The following PARD3 variants were observed in gnomAD, a reference collection of about 807,000 sequenced individuals.
PARD3 encodes partitioning defective 3 homolog.
PARD3 carries 75 observed loss-of-function variants against 155.4 expected under a neutral mutation model. The observed-to-expected ratio is 0.48, with a 90% CI of 0.40 to 0.58. The LOEUF (loss-of-function observed/expected upper bound fraction) is 0.58. Among genes scored for constraint, PARD3 ranks in the 20% least tolerant of loss-of-function variants. The probability of loss-of-function intolerance (pLI) is 0.00; values close to 1 mark genes in which losing one functional copy is unlikely to be tolerated. For synonymous variants in PARD3, 576 were observed against 610.5 expected (o/e 0.94, Z 0.83); for missense variants, 1,642 against 1,721.7 (o/e 0.95, Z 0.82).
intron 12 of PARD3, among the ~76,000 whole-genome samples, chr10:34,366,484 G>T (rs1839977527): frequency 6.6e-6 from 1 of 152,084 alleles, no homozygotes; most frequent in African/African-American, 2.4e-5. Context: ...ACCTGGATAT[G>T]ATGGGCAGGG....
intron 15 of PARD3, chr10:34,346,106 G>T (rs2134352598): frequency 9.9e-7 from 1 of 1,005,376 alleles, no homozygotes; most frequent in African/African-American, 1.7e-5. Context: ...ACACAGAACT[G>T]GGAGAGAAGT....
At chr10:34,178,516 T>C (rs1371012020) in intron 22 of PARD3, among the ~76,000 whole-genome samples, 1 of 152,188 alleles carries the variant, frequency 6.6e-6, no homozygotes, top group Non-Finnish European at 1.5e-5. Context: ...CATTGACCTT[T>C]AGCGTAAGAA....
Position 34,474,873 on chromosome 10 carries a change from C to T in PARD3, c.404-4610G>A, listed in dbSNP as rs773057347. On this transcript the variant is annotated intron_variant, in intron 3 of 24. Transcript: ENST00000374788. ...CATATCCTGATTTTAATTCATAGAA[C>T]GATTTCATTTTGGGAAGAGGAAGAA... Among the ~76,000 whole-genome samples the T allele has an allele frequency of 5.3e-5, 8 of 152,118 alleles. No individual in the cohort carries two copies. The East Asian group carries it at 1.4e-3, about 26-fold the overall frequency.
chr10:34,808,905 C>T (rs1843730746), intron 1 of PARD3, among the ~76,000 whole-genome samples: 1 of 152,340 alleles, frequency 6.6e-6, no homozygotes, highest in East Asian at 1.9e-4. Context: ...CTCAGCCAAG[C>T]ATCTCAACTG....
intron 22 of PARD3, among the ~76,000 whole-genome samples, chr10:34,212,679 G>A (rs1164932928): frequency 2.6e-5 from 4 of 151,622 alleles, no homozygotes; most frequent in Non-Finnish European, 5.9e-5. Flanking sequence ...GTTCTGAGGG[G>A]GGCAAAGGCC....
chr10:34,595,395 T>TA (rs911702706), intron 2 of PARD3, among the ~76,000 whole-genome samples: 6 of 152,158 alleles, frequency 3.9e-5, no homozygotes, highest in Middle Eastern at 3.4e-3. Context: ...AATGTAAAAA[T>TA]AAAAAAAATT....
chr10:34,231,507 C>T (rs1008018271), intron 22 of PARD3, among the ~76,000 whole-genome samples: 26 of 152,150 alleles, frequency 1.7e-4, no homozygotes, highest in Admixed American at 1.3e-4. Context: ...CTCTAACTGA[C>T]GCAATTTCCA....
In PARD3 at chr10:34,725,751, C is replaced by T. The variant is rs2094697351; in HGVS notation, c.121-29332G>A. Among the ~76,000 whole-genome samples the T allele has an allele frequency of 3.3e-5, 5 of 152,324 alleles. No homozygotes were observed. The South Asian group carries it at 1.0e-3, about 32-fold the overall frequency. ...CAAGAACAAGTGAATTAGAAAGAAACTCAGATGACACAATGTCCAGCCAGC... is the reference window on the plus strand; with the variant it reads ...CAAGAACAAGTGAATTAGAAAGAAATTCAGATGACACAATGTCCAGCCAGC... On this transcript the variant is annotated intron_variant, in intron 1 of 24. Coordinates refer to ENST00000374788, the MANE Select transcript of PARD3 (RefSeq NM_001184785.2).
At chr10:34,362,257 C>T (rs990014133) in intron 12 of PARD3, among the ~76,000 whole-genome samples, 5 of 152,056 alleles carry the variant, frequency 3.3e-5, no homozygotes, top group Non-Finnish European at 7.4e-5. Flanking sequence ...GGAGACCATG[C>T]CACTGCACTC....
intron 2 of PARD3, among the ~76,000 whole-genome samples, chr10:34,649,765 C>G (rs1053386426): frequency 2.0e-5 from 3 of 152,212 alleles, no homozygotes; most frequent in Non-Finnish European, 4.4e-5. Flanking sequence ...ACTTTATATA[C>G]TTTTAATTTT....
chr10:34,456,008 T>C (rs2132870076), intron 4 of PARD3, among the ~76,000 whole-genome samples: 1 of 152,344 alleles, frequency 6.6e-6, no homozygotes, highest in African/African-American at 2.4e-5. Context: ...TTCCCCCACA[T>C]TCTTAATAAC....
chr10:34,322,938 A>C (rs1437602007), intron 19 of PARD3, among the ~76,000 whole-genome samples: 2 of 152,222 alleles, frequency 1.3e-5, no homozygotes, highest in Non-Finnish European at 2.9e-5. Flanking sequence ...ACACAGGGTG[A>C]CTCAGTCTTC....
At chr10:34,532,896 T>C (rs2082954621) in intron 2 of PARD3, among the ~76,000 whole-genome samples, 1 of 152,210 alleles carries the variant, frequency 6.6e-6, no homozygotes, top group Non-Finnish European at 1.5e-5. Context: ...GGTGATTTCA[T>C]TGTTGTGTGA....
rs1463147281 is a variant in PARD3 at position 34,111,090 on chromosome 10, T to TA, written c.*78dup. 8.1e-6 allele frequency: 12 copies of TA among 1,477,134 alleles called. No individual in the cohort carries two copies. The highest frequency in any genetic ancestry group is 9.1e-6 in the Non-Finnish European group (10 of 1,103,730). 91.5% of individuals were successfully genotyped at this position (1,477,134 alleles called of 1,614,324 possible). ...ATACTCCATAGTACCATCGAGGTTT[T>TA]AAAAAAACTCCCAAAATACAAGTCT... On this transcript the variant is annotated 3_prime_UTR_variant, in exon 25 of 25. Coordinates refer to ENST00000374788, the MANE Select transcript of PARD3 (RefSeq NM_001184785.2).
chr10:34,608,879 A>T (rs1021200407), intron 2 of PARD3, among the ~76,000 whole-genome samples: 1 of 152,170 alleles, frequency 6.6e-6, no homozygotes, highest in Non-Finnish European at 1.5e-5. Flanking sequence ...TTTACATAGC[A>T]TTTATATTGT....
chr10:34,693,329 G>C (rs996402942), intron 2 of PARD3, among the ~76,000 whole-genome samples: 5 of 152,160 alleles, frequency 3.3e-5, no homozygotes, highest in African/African-American at 1.2e-4. Context: ...ATTCACAATA[G>C]CAAAGACATG....
chr10:34,591,402 T>C (rs940200256), intron 2 of PARD3, among the ~76,000 whole-genome samples: 20 of 152,098 alleles, frequency 1.3e-4, no homozygotes, highest in African/African-American at 4.8e-4. Flanking sequence ...CTTTACCCAT[T>C]CATTCTCTCA....
chr10:34,655,581 C>T (rs924753642), intron 2 of PARD3, among the ~76,000 whole-genome samples: 6 of 152,190 alleles, frequency 3.9e-5, no homozygotes, highest in Non-Finnish European at 5.9e-5. Flanking sequence ...TTTTATGGCT[C>T]TTCCCAAGCT....
rs181922155 is a variant in PARD3 at position 34,347,770 on chromosome 10, G to A, written c.2218+195C>T. 4.4e-3 allele frequency among the ~76,000 whole-genome samples: 669 copies of A among 152,184 alleles called. 8 individuals carry two copies. Among genetic ancestry groups the A allele is most frequent in the African/African-American group, 0.016 (651 of 41,500 alleles). On this transcript the variant is annotated intron_variant, in intron 15 of 24. Coordinates refer to ENST00000374788, the MANE Select transcript of PARD3 (RefSeq NM_001184785.2). ...GATCTAAAAGTCACTTAAATCAATG[G>A]ATTGATTTACCTCTTCACATGAACA...
Sources: gnomAD v4.1 joint callset for allele counts (sites outside exome capture counted in the v4.1 genomes callset) on GRCh38, gnomAD v4.1.1 for gene constraint, MANE v1.5 for transcripts, NCBI Gene and HGNC (gene_info 2026-07-23, HGNC 2026-07-21) for gene names.